TINAG: variants seen among roughly 807,000 people sequenced by gnomAD.
TINAG encodes tubulointerstitial nephritis antigen.
Under a neutral mutation model 72.7 loss-of-function variants are expected in TINAG, and 83 were observed. That is an observed-to-expected ratio of 1.14 (90% CI 0.96 to 1.37). The LOEUF is 1.37. Among genes scored for constraint, TINAG ranks in the 40% most tolerant of loss-of-function variants. The pLI is 0.00. For missense variants in TINAG, 685 were observed against 576.6 expected (o/e 1.19, Z -1.93); for synonymous variants, 234 against 189.9 (o/e 1.23, Z -1.91).
At chr6:54,307,885 C>T (rs1335601585), upstream of TINAG, 5 of 645,270 alleles carry the variant, frequency 7.7e-6, no homozygotes, top group African/African-American at 7.3e-5. Flanking sequence ...AGCAGGGACT[C>T]AGGTGGAGAG....
At chr6:54,369,210 A>G (rs1161570818) in intron 9 of TINAG, among the ~76,000 whole-genome samples, 1 of 151,898 alleles carries the variant, frequency 6.6e-6, no homozygotes, top group Non-Finnish European at 1.5e-5. Flanking sequence ...ACTCATCTCC[A>G]TATGCAGTAA....
intron 1 of TINAG, among the ~76,000 whole-genome samples, chr6:54,315,430 G>A (rs556039517): frequency 5.9e-4 from 90 of 152,094 alleles, no homozygotes; most frequent in African/African-American, 2.1e-3. Flanking sequence ...GCACTTTGGA[G>A]GTCAAGGTGG....
At chr6:54,351,449 C>A (rs780407361) in intron 8 of TINAG, 52 bp downstream of exon 8, 88 of 1,536,174 alleles carry the variant, frequency 5.7e-5, no homozygotes, top group Non-Finnish European at 7.4e-5. Context: ...TAATAAACAA[C>A]ATTACATTGA....
chr6:54,316,069 G>A (rs902551288), intron 1 of TINAG, among the ~76,000 whole-genome samples: 2 of 152,096 alleles, frequency 1.3e-5, no homozygotes, highest in Non-Finnish European at 1.5e-5. Context: ...GTCCTTTTAC[G>A]TGTTCCCACA....
chr6:54,329,171 A>C (rs559518142), intron 4 of TINAG, among the ~76,000 whole-genome samples: 1 of 152,094 alleles, frequency 6.6e-6, no homozygotes, highest in South Asian at 2.1e-4. Context: ...ACACATAATC[A>C]CTAGATTCAC....
chr6:54,308,419 C>T (rs1458603628), upstream of TINAG: 14 of 716,132 alleles, frequency 2.0e-5, no homozygotes, highest in Non-Finnish European at 3.0e-5. Flanking sequence ...TATACTCATT[C>T]AAGTAAAGGA....
intron 9 of TINAG, among the ~76,000 whole-genome samples, chr6:54,374,960 A>C (rs1763738025): frequency 6.6e-6 from 1 of 152,118 alleles, no homozygotes; most frequent in African/African-American, 2.4e-5. Context: ...TCTGCCCAGA[A>C]AACATGAATT....
chr6:54,324,546 T>G (rs1784562722), intron 3 of TINAG, among the ~76,000 whole-genome samples: 1 of 152,220 alleles, frequency 6.6e-6, no homozygotes, highest in South Asian at 2.1e-4. Context: ...AATAGATTCT[T>G]TCTTATGAAC....
At chr6:54,385,957 C>G (rs1764088235) in intron 10 of TINAG, among the ~76,000 whole-genome samples, 1 of 123,578 alleles carries the variant, frequency 8.1e-6, no homozygotes, top group African/African-American at 3.2e-5. Context: ...GTGTCGTGAT[C>G]TTGGCTAACT....
At chr6:54,320,389 T>C (rs1368013078) in intron 1 of TINAG, among the ~76,000 whole-genome samples, 190 bp from the exon 2 acceptor site, 3 of 152,162 alleles carry the variant, frequency 2.0e-5, no homozygotes, top group South Asian at 4.1e-4. Context: ...GATAAAAGCA[T>C]TGAAACAAGC....
At chr6:54,363,564 T>C (rs1207437897) in intron 9 of TINAG, among the ~76,000 whole-genome samples, 1 of 149,814 alleles carries the variant, frequency 6.7e-6, no homozygotes, top group Non-Finnish European at 1.5e-5. Flanking sequence ...AAAAGTCTAC[T>C]GTGGGATCTC....
chr6:54,388,916 C>T (rs772853664), intron 10 of TINAG, among the ~76,000 whole-genome samples: 22 of 152,144 alleles, frequency 1.4e-4, no homozygotes, highest in Non-Finnish European at 2.8e-4. Context: ...AGTCTACTAG[C>T]TAGTCACTGC....
intron 9 of TINAG, among the ~76,000 whole-genome samples, chr6:54,357,333 A>G (rs1763084706): frequency 6.6e-6 from 1 of 151,802 alleles, no homozygotes. Flanking sequence ...CTCTGAGTTC[A>G]TCCTGGCTTT....
At chr6:54,331,374 A>T (rs977474846) in intron 4 of TINAG, among the ~76,000 whole-genome samples, 2 of 152,252 alleles carry the variant, frequency 1.3e-5, no homozygotes, top group Admixed American at 1.3e-4. Flanking sequence ...TTATCTCAAT[A>T]GATGCAGAAA....
At chr6:54,334,040 T>G (rs1291071053) in intron 4 of TINAG, among the ~76,000 whole-genome samples, 1 of 152,170 alleles carries the variant, frequency 6.6e-6, no homozygotes, top group Non-Finnish European at 1.5e-5. Flanking sequence ...TTTTAAGAGG[T>G]GTTATCATCT....
At chr6:54,347,961 T>A (rs1235895195) in intron 6 of TINAG, among the ~76,000 whole-genome samples, 1 of 152,100 alleles carries the variant, frequency 6.6e-6, no homozygotes, top group Non-Finnish European at 1.5e-5. Context: ...TTTCAACTCA[T>A]CAGTATTGTT....
intron 6 of TINAG, among the ~76,000 whole-genome samples, chr6:54,347,989 C>T (rs1235384425): frequency 1.3e-5 from 2 of 152,232 alleles, no homozygotes; most frequent in Non-Finnish European, 1.5e-5. Flanking sequence ...TTTCTCCACT[C>T]CATTTGATGA....
chr6:54,386,592 A>T (rs1035284780), intron 10 of TINAG, among the ~76,000 whole-genome samples: 1 of 152,110 alleles, frequency 6.6e-6, no homozygotes, highest in South Asian at 2.1e-4. Context: ...AGAGTACCTT[A>T]CATCTTCAAG....
At chr6:54,389,745 A>T in intron 10 of TINAG, 46 bp from the exon 11 acceptor site, 1 of 1,550,646 alleles carries the variant, frequency 6.4e-7, no homozygotes, top group Non-Finnish European at 8.7e-7. Context: ...TTTAAAAAAT[A>T]CCAAAGTATG....
Sources: allele counts gnomAD v4.1 joint callset (sites outside exome capture counted in the v4.1 genomes callset), GRCh38; gene constraint gnomAD v4.1.1; transcripts MANE v1.5; gene names NCBI Gene and HGNC (gene_info 2026-07-23, HGNC 2026-07-21).